The following ZC2HC1B variants were observed in gnomAD, a reference collection of about 807,000 sequenced individuals.
ZC2HC1B encodes zinc finger C2HC-type containing 1B, also known as zinc finger C2HC domain-containing protein 1B.
ZC2HC1B carries 36 observed loss-of-function variants against 31.0 expected under a neutral mutation model. That is an observed-to-expected ratio of 1.16 (90% CI 0.89 to 1.54). ZC2HC1B has a LOEUF of 1.54. Among genes scored for constraint, ZC2HC1B ranks in the 40% most tolerant of loss-of-function variants. ZC2HC1B has a pLI of 0.00. For synonymous variants in ZC2HC1B, 73 were observed against 88.0 expected, an observed-to-expected ratio of 0.83 and a Z score of 0.95; for missense variants, 260 against 268.6, an observed-to-expected ratio of 0.97 and a Z score of 0.22.
intron 1 of ZC2HC1B, among the ~76,000 whole-genome samples, chr6:143,880,864 C>G (rs180984349): frequency 7.9e-5 from 12 of 152,232 alleles, no homozygotes; most frequent in African/African-American, 2.9e-4. Flanking sequence ...CAAAATAGCA[C>G]AGAGAGATGC....
Position 143,933,706 on chromosome 6 carries a change from GGCAGCCT to G in ZC2HC1B, c.599-3934_599-3928del, listed in dbSNP as rs1778147988. ...GCTAACCGTGCCAAGTTTATCTCTA[GGCAGCCT>G]GCAGCCTGGGACTCAGATCTAGTCC... On this transcript the variant is annotated intron_variant, in intron 6 of 7. Transcript: ENST00000237275. This position sits in a 1 kb window ranked among gnomAD's most constrained non-coding sequence, Gnocchi z 6.4. Among the ~76,000 whole-genome samples the G allele has an allele frequency of 6.6e-6, 1 of 152,216 alleles. No homozygotes were observed. Among genetic ancestry groups the G allele is most frequent in the East Asian group, 1.9e-4 (1 of 5,166 alleles).
intron 6 of ZC2HC1B, among the ~76,000 whole-genome samples, chr6:143,926,950 A>T (rs1778058240): frequency 1.1e-5 from 1 of 87,276 alleles, no homozygotes. Flanking sequence ...AGCTGGGACT[A>T]CAGGCGCCCG....
intron 6 of ZC2HC1B, among the ~76,000 whole-genome samples, chr6:143,914,696 A>C (rs1777896878): frequency 6.6e-6 from 1 of 152,040 alleles, no homozygotes; most frequent in African/African-American, 2.4e-5. Context: ...TTCTCCCTTT[A>C]GTTCTGTTGA....
chr6:143,928,209 GA>G (rs770379969), intron 6 of ZC2HC1B, among the ~76,000 whole-genome samples: 1 of 152,138 alleles, frequency 6.6e-6, no homozygotes, highest in Non-Finnish European at 1.5e-5. Context: ...CCAATGTCCA[GA>G]AGAGTTGTTC....
At position 143,922,277 on chromosome 6, in the gene ZC2HC1B, T is replaced by G. The variant is rs1777992352; in HGVS notation, c.599-15372T>G. 6.6e-6 allele frequency among the ~76,000 whole-genome samples: 1 copy of G among 152,258 alleles called. No individual in the cohort carries two copies. The highest frequency in any genetic ancestry group is 2.1e-4 in the South Asian group (1 of 4,828). ...AATGTGTAATGATCAAATCAGGGTATTTAAGATATCTATGACCTCAAACAT... is the reference window on the plus strand; with the variant it reads ...AATGTGTAATGATCAAATCAGGGTAGTTAAGATATCTATGACCTCAAACAT... On this transcript the variant is annotated intron_variant, in intron 6 of 7. Coordinates refer to ENST00000237275, the MANE Select transcript of ZC2HC1B (RefSeq NM_001013623.3). The surrounding 1 kb of genome is among the most constrained non-coding windows in gnomAD (Gnocchi z 5.0).
rs969964068 is a variant in ZC2HC1B, at chr6:143,908,851, T to C, written c.598+5699T>C. ...GGTGAGAGAGGGCCTCTTTGTCTTG[T>C]GCCAGTTTTCAAGGGGAAATCTTCC... On this transcript the variant is annotated intron_variant, in intron 6 of 7. Transcript: ENST00000237275. This position sits in a 1 kb window ranked among gnomAD's most constrained non-coding sequence, Gnocchi z 4.4. 6.6e-6 allele frequency among the ~76,000 whole-genome samples: 1 copy of C among 152,196 alleles called. No individual in the cohort carries two copies. Among genetic ancestry groups the C allele is most frequent in the Admixed American group, 6.5e-5 (1 of 15,280 alleles).
In ZC2HC1B at chr6:143,938,333, A is replaced by G. The variant is rs995593400; in HGVS notation, c.*206A>G. ...TTTTCAAAACAAAAGCATTAAACAC[A>G]TCAACCTGTATAATGCATGATTCAA... On this transcript the variant is annotated 3_prime_UTR_variant, in exon 8 of 8. Transcript: ENST00000237275. The surrounding 1 kb of genome is among the most constrained non-coding windows in gnomAD (Gnocchi z 4.2). 6.6e-6 allele frequency: 1 copy of G among 152,270 alleles called. No individual in the cohort carries two copies. Among genetic ancestry groups the G allele is most frequent in the African/African-American group, 2.4e-5 (1 of 41,470 alleles). The allele number at this position is 152,270 out of a possible 1,614,324, so 9.4% of individuals were successfully genotyped here.
intron 6 of ZC2HC1B, among the ~76,000 whole-genome samples, chr6:143,935,674 TGAGACAGGATCTC>T (rs1778170145): frequency 8.3e-6 from 1 of 120,622 alleles, no homozygotes; most frequent in Non-Finnish European, 1.7e-5. Flanking sequence ...TTTTTTTTTT[TGAGACAGGATCTC>T]TCTGTCGCCC....
In ZC2HC1B at chr6:143,884,144, G is replaced by C. The variant is rs983236464; in HGVS notation, c.29-160G>C. ...TATCAGGAAAGGAAAACACAGGTGA[G>C]TTTAGTTTACACAGGGTCTTCCCAA... is the stretch of plus-strand genomic sequence containing the variant. On this transcript the variant is annotated intron_variant, in intron 1 of 7. Coordinates refer to ENST00000237275, the MANE Select transcript of ZC2HC1B (RefSeq NM_001013623.3). The surrounding 1 kb of genome is among the most constrained non-coding windows in gnomAD (Gnocchi z 5.1). 2.0e-5 allele frequency among the ~76,000 whole-genome samples: 3 copies of C among 152,244 alleles called. No homozygotes were observed. Among genetic ancestry groups the C allele is most frequent in the African/African-American group, 7.2e-5 (3 of 41,464 alleles).
chr6:143,935,913 G>T (rs1257454257), intron 6 of ZC2HC1B, among the ~76,000 whole-genome samples: 1 of 151,916 alleles, frequency 6.6e-6, no homozygotes, highest in Admixed American at 6.6e-5. Flanking sequence ...GCCTCTCAAA[G>T]TATTGGCATT....
rs549299637 is a variant in ZC2HC1B at position 143,898,687 on chromosome 6, C to T, written c.485C>T (p.Ala162Val). The change falls in exon 5 of 8, where the codon GCT becomes GTT. Residue 162 changes from alanine (A) to valine (V), a missense_variant. Physicochemically the swap from Ala to Val is moderately conservative, Grantham distance 64 (BLOSUM62 0). Transcript: ENST00000237275. ...AQTAAKLASR[A>V]QGRAQMGPKK... ...ACAGCAGCCAAATTGGCATCCAGAG[C>T]TCAGGTAACTATCTCTCCCCAGGTG... is the stretch of plus-strand genomic sequence containing the variant. 1.2e-4 allele frequency: 194 copies of T among 1,552,098 alleles called. No homozygotes were observed. The highest frequency in any genetic ancestry group is 1.6e-4 in the Non-Finnish European group (183 of 1,147,058).
At chr6:143,880,766 A>G (rs1317158982) in intron 1 of ZC2HC1B, among the ~76,000 whole-genome samples, 1 of 152,042 alleles carries the variant, frequency 6.6e-6, no homozygotes, top group East Asian at 1.9e-4. Flanking sequence ...AAGGCGTCAG[A>G]TTTGGCCCAC....
intron 6 of ZC2HC1B, among the ~76,000 whole-genome samples, chr6:143,909,414 AAGTT>A (rs1405245597): frequency 3.9e-5 from 6 of 152,136 alleles, no homozygotes; most frequent in Admixed American, 6.5e-5. Flanking sequence ...AAAAAAAAAT[AAGTT>A]AGGGAAGATT....
intron 6 of ZC2HC1B, among the ~76,000 whole-genome samples, chr6:143,904,405 A>G (rs1777770843): frequency 6.6e-6 from 1 of 152,100 alleles, no homozygotes; most frequent in Non-Finnish European, 1.5e-5. Context: ...TCTGTTGCCC[A>G]GGCTGGAGTG....
In ZC2HC1B at chr6:143,885,230, T is replaced by TA. The variant is rs1467733138; in HGVS notation, c.91-801dup. 6.6e-5 allele frequency among the ~76,000 whole-genome samples: 10 copies of TA among 152,312 alleles called. No individual in the cohort carries two copies. The highest frequency in any genetic ancestry group is 2.2e-4 in the African/African-American group (9 of 41,564). ...TTTAAAAAATGAAATAGCTGTCTTT[T>TA]AGTTAACTGTGGTTAGAGCCTCCTG... On this transcript the variant is annotated intron_variant, in intron 2 of 7. Transcript: ENST00000237275. This position sits in a 1 kb window ranked among gnomAD's most constrained non-coding sequence, Gnocchi z 4.2.
At chr6:143,866,681 C>A (rs1345460533) in intron 1 of ZC2HC1B, among the ~76,000 whole-genome samples, 2 of 152,182 alleles carry the variant, frequency 1.3e-5, no homozygotes, top group South Asian at 2.1e-4. Flanking sequence ...TTTACTGTTA[C>A]ATTTTCAATA....
intron 6 of ZC2HC1B, among the ~76,000 whole-genome samples, chr6:143,931,659 A>G (rs1778120138): frequency 6.6e-6 from 1 of 152,052 alleles, no homozygotes; most frequent in Non-Finnish European, 1.5e-5. Context: ...TAATACCCCA[A>G]TCCCATCTGG....
At chr6:143,936,405 G>A (rs1326588312) in intron 6 of ZC2HC1B, among the ~76,000 whole-genome samples, 1 of 152,138 alleles carries the variant, frequency 6.6e-6, no homozygotes, top group Non-Finnish European at 1.5e-5. Flanking sequence ...AGCTTTGTAC[G>A]TTTTGGGAAA....
At chr6:143,937,109 G>A (rs980068214) in intron 6 of ZC2HC1B, among the ~76,000 whole-genome samples, 26 of 152,116 alleles carry the variant, frequency 1.7e-4, no homozygotes, top group African/African-American at 6.3e-4. Flanking sequence ...CTAAGCCATG[G>A]TGTGGTGTGC....
Sources: allele counts gnomAD v4.1 joint callset (sites outside exome capture counted in the v4.1 genomes callset), GRCh38; gene constraint gnomAD v4.1.1; non-coding constraint Gnocchi (gnomAD v3.1); transcripts MANE v1.5; gene names NCBI Gene and HGNC (gene_info 2026-07-23, HGNC 2026-07-21).